The following ABCA10 variants were observed in gnomAD, a reference collection of about 807,000 sequenced individuals.
ABCA10 encodes ATP-binding cassette sub-family A member 10.
ABCA10 carries 169 observed loss-of-function variants against 187.5 expected under a neutral mutation model. The ratio of observed to expected loss-of-function variants is 0.90; its 90% CI spans 0.80 to 1.02. The LOEUF is 1.02. ABCA10 is among the 50% of genes least tolerant of loss of function. ABCA10 has a pLI of 0.00. For missense variants in ABCA10, 1,727 were observed against 1,812.4 expected (o/e 0.95, Z 0.86); for synonymous variants, 574 against 601.8 (o/e 0.95, Z 0.68).
Position 69,163,984 on chromosome 17 carries a change from A to C in ABCA10, c.3363+90T>G. ...AAATACAGAAAGAGTGGGTATTTTA[A>C]GACATTTAAATTTGGCATACCTTGA... is the stretch of plus-strand genomic sequence containing the variant. On this transcript the variant is annotated intron_variant, in intron 27 of 38. Transcript: ENST00000690296. 8 of 974,894 alleles carry C rather than the reference A, an allele frequency of 8.2e-6. 1 individual carries two copies. The South Asian group carries it at 1.3e-4, about 15-fold the overall frequency. 60.4% of individuals were successfully genotyped at this position (974,894 alleles called of 1,614,324 possible).
At chr17:69,241,755 A>G (rs2144871385) in intron 1 of ABCA10, among the ~76,000 whole-genome samples, 1 of 152,266 alleles carries the variant, frequency 6.6e-6, no homozygotes, top group Non-Finnish European at 1.5e-5. Context: ...AAAGTAGGTA[A>G]TTTGTCTTAC....
At position 69,163,941 on chromosome 17, in the gene ABCA10, C is replaced by T. The variant is rs535745725; in HGVS notation, c.3363+133G>A. On this transcript the variant is annotated intron_variant, in intron 27 of 38. Coordinates refer to ENST00000690296, the MANE Select transcript of ABCA10 (RefSeq NM_001377321.1). ...TTAAAAATATCTTTAGTTCTTGCTG[C>T]CATTATATTGGAATGGAAAATACAG... 100 of 573,546 alleles carry T rather than the reference C, an allele frequency of 1.7e-4. No homozygotes were observed. In the African/African-American group the frequency reaches 1.8e-3, roughly 10 times the overall value. 35.5% of individuals were successfully genotyped at this position (573,546 alleles called of 1,614,324 possible).
chr17:69,233,429 C>T (rs2074844508), upstream of ABCA10: 1 of 151,992 alleles, frequency 6.6e-6, no homozygotes, highest in East Asian at 1.9e-4. Flanking sequence ...TTATTTCAAT[C>T]TTCATTAAAT....
At chr17:69,230,339 T>C (rs2074823645), upstream of ABCA10, among the ~76,000 whole-genome samples, 1 of 152,088 alleles carries the variant, frequency 6.6e-6, no homozygotes, top group Non-Finnish European at 1.5e-5. Context: ...AAGACAATAA[T>C]TTTAGGGATT....
At chr17:69,151,230 T>G (rs2074125734) in intron 36 of ABCA10, among the ~76,000 whole-genome samples, 1 of 152,192 alleles carries the variant, frequency 6.6e-6, no homozygotes, top group South Asian at 2.1e-4. Context: ...TCTTTAAATG[T>G]GCTGTTTCCT....
At chr17:69,162,195 A>G (rs1043312646) in intron 27 of ABCA10, among the ~76,000 whole-genome samples, 3 of 152,226 alleles carry the variant, frequency 2.0e-5, no homozygotes, top group Non-Finnish European at 4.4e-5. Context: ...AACACATGGG[A>G]TCGAGATTCT....
In ABCA10 at chr17:69,148,266, G is replaced by T. The variant is rs2074103319; in HGVS notation, c.*561C>A. ...TTGGCTAAAGAAAATATTAACTGCG[G>T]TACTTTCTTACAGATTATGGCTATC... On this transcript the variant is annotated 3_prime_UTR_variant, in exon 39 of 39. Transcript: ENST00000690296. 6.6e-6 allele frequency: 1 copy of T among 152,180 alleles called. No individual in the cohort carries two copies. Among genetic ancestry groups the T allele is most frequent in the South Asian group, 2.1e-4 (1 of 4,822 alleles). The allele number at this position is 152,180 out of a possible 1,614,324, so 9.4% of individuals were successfully genotyped here.
intron 9 of ABCA10, among the ~76,000 whole-genome samples, chr17:69,208,417 CAAAAAAAAA>C (rs67858017): frequency 1.1e-5 from 1 of 89,422 alleles, no homozygotes; most frequent in African/African-American, 4.5e-5. Context: ...GACTCTGTCT[CAAAAAAAAA>C]AAAAAAAAAA....
chr17:69,177,964 A>AT (rs1430355283), intron 22 of ABCA10, among the ~76,000 whole-genome samples: 784 of 32,232 alleles, frequency 0.024, 15 homozygotes, highest in African/African-American at 0.059. Flanking sequence ...TCAAAAAAAA[A>AT]AAAAAAAAAA....
Position 69,194,394 on chromosome 17 carries a change from A to T in ABCA10, c.1336T>A (p.Ser446Thr). 6.3e-7 allele frequency: 1 copy of T among 1,599,908 alleles called. No homozygotes were observed. Among genetic ancestry groups the T allele is most frequent in the East Asian group, 2.2e-5 (1 of 44,514 alleles). Residue 446 changes from serine (S) to threonine (T), a missense_variant, in exon 12 of 39, where the codon TCT becomes ACT. Ser to Thr is a moderately conservative substitution (Grantham distance 58, BLOSUM62 1). Coordinates refer to ENST00000690296, the MANE Select transcript of ABCA10 (RefSeq NM_001377321.1). ...AAAACTGTTTTCTCACCTTCTGTAG[A>T]AACAGACAATCCACTAAGAATGTTT... ...LLNILSGLSV[S>T]TEGSATIYNT... is the part of the protein sequence containing the mutation.
intron 19 of ABCA10, 126 bp downstream of exon 19, chr17:69,187,555 C>T (rs1410904530): frequency 3.9e-6 from 4 of 1,030,492 alleles, no homozygotes; most frequent in Non-Finnish European, 4.0e-6. Context: ...TCCTCAGTAA[C>T]AGCAGGATAG....
At position 69,187,686 on chromosome 17, in the gene ABCA10, C is replaced by A; in HGVS notation, c.2325G>T (p.Leu775Phe). 3 of 1,613,478 alleles carry A rather than the reference C, an allele frequency of 1.9e-6. No individual in the cohort carries two copies. The highest frequency in any genetic ancestry group is 2.5e-6 in the Non-Finnish European group (3 of 1,179,520). ...LKLRRERRAL[L>F]CLLLVLGIAF... ...TAAAGTAATCTGATACTCACAAACACAAAAGAGCTCTCCTTTCACGCCTTA... is the reference window on the plus strand; with the variant it reads ...TAAAGTAATCTGATACTCACAAACAAAAAAGAGCTCTCCTTTCACGCCTTA... Residue 775 changes from leucine to phenylalanine, a missense_variant, in exon 19 of 39, where the codon TTG becomes TTT. Physicochemically the swap from Leu to Phe is conservative, Grantham distance 22. Transcript: ENST00000690296.
At chr17:69,149,324 T>C (rs2074110905) in intron 37 of ABCA10, 2 of 490,406 alleles carry the variant, frequency 4.1e-6, no homozygotes, top group Non-Finnish European at 7.2e-6. Context: ...TATTTTAGTA[T>C]TATCCTTTTG....
chr17:69,164,627 T>C (rs2074242127), intron 26 of ABCA10, among the ~76,000 whole-genome samples: 1 of 152,204 alleles, frequency 6.6e-6, no homozygotes, highest in Non-Finnish European at 1.5e-5. Flanking sequence ...GAAAAACTTC[T>C]ATCCCCTGGC....
rs1445035582 is a variant in ABCA10, at chr17:69,175,398, CCT to C, written c.2877+6_2877+7del. 17 of 1,600,056 alleles carry C rather than the reference CCT, an allele frequency of 1.1e-5. No individual in the cohort carries two copies. Among genetic ancestry groups the C allele is most frequent in the Non-Finnish European group, 1.4e-5 (17 of 1,172,730 alleles). ...ATCTCAATCTAATTTCCTCTCTCTCCCTCTTACTTTATAATCGCTGATGCTGC... is the reference window on the plus strand; with the variant it reads ...ATCTCAATCTAATTTCCTCTCTCTCCCTTACTTTATAATCGCTGATGCTGC... On this transcript the variant is annotated splice_donor_region_variant and intron_variant, in intron 23 of 38. Coordinates refer to ENST00000690296, the MANE Select transcript of ABCA10 (RefSeq NM_001377321.1).
At chr17:69,153,255 A>G in intron 34 of ABCA10, 50 bp downstream of exon 34, 1 of 1,552,980 alleles carries the variant, frequency 6.4e-7, no homozygotes, top group East Asian at 2.2e-5. Flanking sequence ...AAAACAAAAT[A>G]TCCTAGAGGT....
At chr17:69,231,217 AAT>A (rs1364049105), upstream of ABCA10, among the ~76,000 whole-genome samples, 1 of 152,054 alleles carries the variant, frequency 6.6e-6, no homozygotes, top group African/African-American at 2.4e-5. Context: ...ACGTAACTCT[AAT>A]ATCTGTGTTG....
chr17:69,174,596 T>G lies in ABCA10; in HGVS notation c.3048+11A>C. On this transcript the variant is annotated intron_variant, in intron 24 of 38. Transcript: ENST00000690296. Reference sequence around the variant, plus strand: ...TATTATAATTGGCTTGTGGAAAAAATGATCACTTACCAAAACAAACATGAG... The same window carrying G: ...TATTATAATTGGCTTGTGGAAAAAAGGATCACTTACCAAAACAAACATGAG... 1 of 1,576,092 alleles carries G rather than the reference T, an allele frequency of 6.3e-7. No individual in the cohort carries two copies. The highest frequency in any genetic ancestry group is 8.6e-7 in the Non-Finnish European group (1 of 1,164,212).
Position 69,201,646 on chromosome 17 carries a change from A to C in ABCA10, c.1029T>G (p.Ser343=). ...VLPDKDGHGD[S]PLFFLKSSFW... ...ATGAGGACTTAAGGAAAAATAATGG[A>C]GAATCCCCATGGCCATCTTTATCTA... The change falls in exon 10 of 39, where the codon TCT becomes TCG. Residue 343 remains serine (S), a synonymous_variant. Transcript: ENST00000690296. The C allele has an allele frequency of 6.2e-7, 1 of 1,607,124 alleles. No individual in the cohort carries two copies. Among genetic ancestry groups the C allele is most frequent in the Non-Finnish European group, 8.5e-7 (1 of 1,177,770 alleles).
Sources: gnomAD v4.1 joint callset for allele counts (sites outside exome capture counted in the v4.1 genomes callset) on GRCh38, gnomAD v4.1.1 for gene constraint, MANE v1.5 for transcripts, NCBI Gene and HGNC (gene_info 2026-07-23, HGNC 2026-07-21) for gene names.